SLC14A2: variants seen among roughly 807,000 people sequenced by gnomAD.
The protein encoded by SLC14A2 is urea transporter 2.
In SLC14A2, 91 loss-of-function variants were observed where a neutral mutation model predicts 104.6. The observed-to-expected ratio is 0.87, with a 90% CI of 0.73 to 1.04. The LOEUF is 1.04. Among genes scored for constraint, SLC14A2 ranks in the 50% least tolerant of loss-of-function variants. The pLI is 0.00. For synonymous variants in SLC14A2, 476 were observed against 466.4 expected (o/e 1.02, Z -0.27); for missense variants, 1,189 against 1,156.0 (o/e 1.03, Z -0.41).
At chr18:45,507,757 A>G (rs1301053038) in intron 2 of SLC14A2, among the ~76,000 whole-genome samples, 1 of 152,238 alleles carries the variant, frequency 6.6e-6, no homozygotes, top group Non-Finnish European at 1.5e-5. Flanking sequence ...AATGAATAAA[A>G]TTGGCCAGTT....
At chr18:45,487,363 G>T (rs1246655791) in intron 2 of SLC14A2, among the ~76,000 whole-genome samples, 1 of 152,190 alleles carries the variant, frequency 6.6e-6, no homozygotes, top group Admixed American at 6.5e-5. Flanking sequence ...GAATGATGCA[G>T]AATAATCTCC....
intron 16 of SLC14A2, among the ~76,000 whole-genome samples, chr18:45,670,386 A>AC: frequency 6.6e-6 from 1 of 152,124 alleles, no homozygotes; most frequent in Non-Finnish European, 1.5e-5. Flanking sequence ...TTAGCCAGCC[A>AC]CCTTATCTAA....
intron 2 of SLC14A2, among the ~76,000 whole-genome samples, chr18:45,546,453 T>C (rs2043970566): frequency 6.6e-6 from 1 of 152,236 alleles, no homozygotes; most frequent in Non-Finnish European, 1.5e-5. Flanking sequence ...CTAGAGACAC[T>C]GAGCTATGCT....
chr18:45,570,223 TA>T (rs1330692170), intron 2 of SLC14A2, among the ~76,000 whole-genome samples: 1 of 152,154 alleles, frequency 6.6e-6, no homozygotes, highest in Non-Finnish European at 1.5e-5. Flanking sequence ...CATGTGACTT[TA>T]AACCTGTCAC....
At chr18:45,270,872 G>A (rs922422101) in intron 1 of SLC14A2, among the ~76,000 whole-genome samples, 1 of 152,108 alleles carries the variant, frequency 6.6e-6, no homozygotes, top group Admixed American at 6.6e-5. Flanking sequence ...ACTAGATCTT[G>A]GGCTTCACTC....
Position 45,666,963 on chromosome 18 carries a change from AG to A in SLC14A2, c.1587del (p.Ile530Ter). 6.2e-7 allele frequency: 1 copy of A among 1,614,110 alleles called. No individual in the cohort carries two copies. Among genetic ancestry groups the A allele is most frequent in the South Asian group, 1.1e-5 (1 of 91,082 alleles). On this transcript the variant is annotated frameshift_variant, in exon 13 of 20. Transcript: ENST00000255226. LOFTEE classifies it high-confidence loss of function. Reference protein sequence around the residue: ...LDLDTMEESSEIKVETNISKT... With the variant: ...LDLDTMEESSXIKVETNISKT... The stretch of plus-strand genomic sequence containing the variant: ...CTGGACACCATGGAGGAGAGCTCTG[AG>A]ATAAAAGTGGAAACAAACATTTCCA...
At chr18:45,170,056 G>A in the SLC14A2 span, among the ~76,000 whole-genome samples, 51 of 152,256 alleles carry the variant, frequency 3.3e-4, no homozygotes, top group African/African-American at 1.1e-3. Flanking sequence ...AGAAAGAGAT[G>A]GTATGGTAGC....
chr18:45,612,022 TG>T (rs575294694), upstream of SLC14A2, among the ~76,000 whole-genome samples: 2 of 152,364 alleles, frequency 1.3e-5, no homozygotes, highest in South Asian at 4.1e-4. Flanking sequence ...GTGTACAAGA[TG>T]CTATACTTCA....
chr18:45,626,960 A>T lies in SLC14A2; in HGVS notation c.334A>T (p.Lys112Ter). 1 of 1,609,480 alleles carries T rather than the reference A, an allele frequency of 6.2e-7. No homozygotes were observed. ...MKEYRIWLKD[K>*]HLALQFIDWV... The stretch of plus-strand genomic sequence containing the variant: ...GGCTCGCTCTCTGTCTCTTTCAGAC[A>T]AGCACCTTGCCCTCCAGTTCATAGA... Residue 112 changes from lysine to a stop codon, truncating the protein, a stop_gained and splice_region_variant, in exon 4 of 20, where the codon AAG (lysine) becomes TAG (stop). Coordinates refer to ENST00000255226, the MANE Select transcript of SLC14A2 (RefSeq NM_007163.4). LOFTEE classifies it high-confidence loss of function.
intron 1 of SLC14A2, among the ~76,000 whole-genome samples, chr18:45,302,709 C>T (rs537169853): frequency 1.2e-4 from 19 of 152,232 alleles, no homozygotes; most frequent in African/African-American, 4.1e-4. Flanking sequence ...GTCTCATATG[C>T]CTGGTGTACA....
intron 1 of SLC14A2, among the ~76,000 whole-genome samples, chr18:45,226,072 C>T (rs1304544349): frequency 1.3e-5 from 2 of 152,110 alleles, no homozygotes; most frequent in Admixed American, 1.3e-4. Flanking sequence ...TGAAAAAATG[C>T]TCATCATCAC....
chr18:45,444,362 T>C (rs1568207723), intron 1 of SLC14A2, among the ~76,000 whole-genome samples: 1 of 152,162 alleles, frequency 6.6e-6, no homozygotes, highest in Non-Finnish European at 1.5e-5. Flanking sequence ...TGACATACTT[T>C]GATATTCTGA....
intron 1 of SLC14A2, among the ~76,000 whole-genome samples, chr18:45,411,187 T>C (rs1412618074): frequency 2.0e-5 from 3 of 152,220 alleles, no homozygotes; most frequent in Non-Finnish European, 4.4e-5. Context: ...CATTGAGAAC[T>C]GACTCTGTGT....
the SLC14A2 span, chr18:45,180,117 C>T: frequency 1.1e-4 from 16 of 152,170 alleles, no homozygotes; most frequent in African/African-American, 3.9e-4. Context: ...CCAATGCACT[C>T]CAGCCTTTTC....
intron 1 of SLC14A2, among the ~76,000 whole-genome samples, chr18:45,291,648 A>G (rs2084870324): frequency 1.3e-5 from 2 of 152,216 alleles, no homozygotes. Context: ...CAGGAGAAGA[A>G]TAAAGTAGTG....
chr18:45,532,325 A>G (rs1481467363), intron 2 of SLC14A2, among the ~76,000 whole-genome samples: 1 of 152,174 alleles, frequency 6.6e-6, no homozygotes, highest in East Asian at 1.9e-4. Flanking sequence ...GACTCTTCCT[A>G]CCAATGAGCA....
intron 2 of SLC14A2, among the ~76,000 whole-genome samples, chr18:45,530,650 G>A (rs1325043410): frequency 6.6e-6 from 1 of 151,884 alleles, no homozygotes; most frequent in East Asian, 1.9e-4. Context: ...AAGAAGAGAA[G>A]GTACATGAGC....
chr18:45,189,562 T>C, the SLC14A2 span, among the ~76,000 whole-genome samples: 1 of 152,222 alleles, frequency 6.6e-6, no homozygotes, highest in African/African-American at 2.4e-5. Context: ...AGACGCTGGG[T>C]CTTGTACTTG....
chr18:45,595,456 C>T (rs1312277797), intron 2 of SLC14A2, among the ~76,000 whole-genome samples: 1 of 151,508 alleles, frequency 6.6e-6, no homozygotes, highest in Non-Finnish European at 1.5e-5. Flanking sequence ...TATAGGCAAT[C>T]TTACTTCAAA....
Sources: gnomAD v4.1 joint callset for allele counts (sites outside exome capture counted in the v4.1 genomes callset) on GRCh38, gnomAD v4.1.1 for gene constraint, MANE v1.5 for transcripts, NCBI Gene and HGNC (gene_info 2026-07-23, HGNC 2026-07-21) for gene names.